Variants in ATG16L2 observed in about 807,000 individuals in gnomAD.
The protein encoded by ATG16L2 is protein Atg16l2.
In ATG16L2, 77 loss-of-function variants were observed where a neutral mutation model predicts 84.7. The observed-to-expected ratio is 0.91, with a 90% confidence interval of 0.76 to 1.10. ATG16L2 has a LOEUF of 1.10. Ranked by LOEUF, ATG16L2 falls within the 50% of genes least tolerant of loss-of-function variation. The pLI, the probability that ATG16L2 is intolerant of heterozygous loss-of-function variation, is 0.00. For missense variants in ATG16L2, 782 were observed against 817.6 expected (o/e 0.96, Z 0.53); for synonymous variants, 361 against 342.8 (o/e 1.05, Z -0.59).
In ATG16L2 at chr11:72,827,213, C is replaced by A. The variant is rs776505320; in HGVS notation, c.1392C>A (p.Ser464=). The change falls in exon 14 of 18, where the codon TCC becomes TCA. Residue 464 remains serine (S), a synonymous_variant. Coordinates refer to ENST00000321297, the MANE Select transcript of ATG16L2 (RefSeq NM_033388.2). ...GCTCCAGGACCATCAATGTCCTTTC[C>A]TACTGTAATGACGTGGTGTGTGGGG... The part of the protein sequence containing the change: ...AYCSRTINVL[S]YCNDVVCGDH... 5 of 1,614,070 alleles carry A rather than the reference C, an allele frequency of 3.1e-6. No homozygotes were observed. The highest frequency in any genetic ancestry group is 4.2e-6 in the Non-Finnish European group (5 of 1,179,978).
At chr11:72,821,769 C>G in intron 4 of ATG16L2, 28 bp downstream of exon 4, 1 of 1,525,290 alleles carries the variant, frequency 6.6e-7, no homozygotes. Context: ...GCGGGAGGGA[C>G]CGCGCCCACC....
intron 3 of ATG16L2, chr11:72,821,308 C>T (rs940480569): frequency 3.8e-6 from 4 of 1,046,222 alleles, no homozygotes; most frequent in Non-Finnish European, 4.6e-6. Context: ...AGCCTCTGCG[C>T]GAGGAGTCCT....
chr11:72,833,152 A>G (rs970060940), downstream of ATG16L2, among the ~76,000 whole-genome samples: 1 of 152,196 alleles, frequency 6.6e-6, no homozygotes, highest in Admixed American at 6.5e-5. Flanking sequence ...CACCAGATGC[A>G]AGCCCCTCAG....
At chr11:72,842,310 C>T (rs1206404347) in intron 5 of ATG16L2, among the ~76,000 whole-genome samples, 1 of 152,182 alleles carries the variant, frequency 6.6e-6, no homozygotes, top group East Asian at 1.9e-4. Flanking sequence ...CAACGCCTTC[C>T]CTCTTCGGTT....
In ATG16L2 at chr11:72,822,243, C is replaced by G. The variant is rs1860043800; in HGVS notation, c.592C>G (p.Arg198Gly). The change falls in exon 5 of 18, where the codon CGC (arginine) becomes GGC (glycine). Residue 198 changes from arginine (R) to glycine (G), a missense_variant. By Grantham distance (125) the Arg-to-Gly change is moderately radical (BLOSUM62 -2). Coordinates refer to ENST00000321297, the MANE Select transcript of ATG16L2 (RefSeq NM_033388.2). This position sits in a 1 kb window ranked among gnomAD's most constrained non-coding sequence, Gnocchi z 4.2. ...ARDLLERLVQ[R>G]KARAAAERNL... ...CGACCTGCTGGAGAGGCTCGTGCAG[C>G]GCAAGGCGCGCGCCGCGGCCGAGCG... 1 of 1,496,960 alleles carries G rather than the reference C, an allele frequency of 6.7e-7. No homozygotes were observed. The highest frequency in any genetic ancestry group is 2.3e-5 in the Admixed American group (1 of 43,088). The allele number at this position is 1,496,960 out of a possible 1,614,324, so 92.7% of individuals were successfully genotyped here.
At chr11:72,817,688 T>A in intron 2 of ATG16L2, 68 bp from the exon 3 acceptor site, 1 of 1,487,210 alleles carries the variant, frequency 6.7e-7, no homozygotes, top group South Asian at 1.1e-5. Flanking sequence ...TCATGTAGCA[T>A]CACTTGGGTG....
intron 3 of ATG16L2, chr11:72,821,204 G>A: frequency 1.0e-6 from 1 of 988,074 alleles, no homozygotes; most frequent in Non-Finnish European, 1.2e-6. Flanking sequence ...TGAAGTGAGA[G>A]TGGCAGTACC....
intron 1 of ATG16L2, 125 bp from the exon 2 acceptor site, chr11:72,816,603 C>A: frequency 1.3e-6 from 1 of 746,546 alleles, no homozygotes; most frequent in East Asian, 2.6e-5. Flanking sequence ...GGCCAGCCTG[C>A]CAGAAGCTTC....
chr11:72,824,800 G>T lies in ATG16L2; in HGVS notation c.954G>T (p.Val318=). ...APEQRYQIIP[V]CVAARLPTRA... ...AGCAGCGATACCAGATCATCCCTGTGTGTGTGGCTGCCCGACTTCCTACCC... is the reference window on the plus strand; with the variant it reads ...AGCAGCGATACCAGATCATCCCTGTTTGTGTGGCTGCCCGACTTCCTACCC... The change falls in exon 9 of 18, where the codon GTG becomes GTT. Residue 318 remains valine (V), a synonymous_variant. Transcript: ENST00000321297. The T allele has an allele frequency of 6.2e-7, 1 of 1,607,728 alleles. No individual in the cohort carries two copies.
chr11:72,814,606 G>A, intron 1 of ATG16L2, 43 bp downstream of exon 1: 1 of 1,474,400 alleles, frequency 6.8e-7, no homozygotes, highest in Non-Finnish European at 9.2e-7. Context: ...CTGAGGGGAC[G>A]CGGCTACGGG....
At chr11:72,826,662 C>T (rs747239084) in intron 12 of ATG16L2, 41 bp from the exon 13 acceptor site, 2 of 1,614,102 alleles carry the variant, frequency 1.2e-6, no homozygotes, top group Non-Finnish European at 8.5e-7. Context: ...GTTATGGGGT[C>T]TTGGCCAAAC....
intron 13 of ATG16L2, 51 bp from the exon 14 acceptor site, chr11:72,827,137 G>A: frequency 7.1e-7 from 1 of 1,416,234 alleles, no homozygotes; most frequent in Non-Finnish European, 1.0e-6. Flanking sequence ...CTGTGGGGTG[G>A]CTCCCGACAA....
Position 72,829,288 on chromosome 11 carries a change from C to G in ATG16L2, c.1773-15C>G. The G allele has an allele frequency of 6.2e-7, 1 of 1,612,000 alleles. No homozygotes were observed. The highest frequency in any genetic ancestry group is 1.1e-5 in the South Asian group (1 of 90,992). Reference sequence around the variant, plus strand: ...TCCTGAAGCCCCCCTGAAGCCTGCCCCTCCCTTTCCCCAGCGCTGCCGTCA... The same window carrying G: ...TCCTGAAGCCCCCCTGAAGCCTGCCGCTCCCTTTCCCCAGCGCTGCCGTCA... On this transcript the variant is annotated splice_polypyrimidine_tract_variant and intron_variant, in intron 17 of 17. Coordinates refer to ENST00000321297, the MANE Select transcript of ATG16L2 (RefSeq NM_033388.2).
At chr11:72,840,591 C>T (rs1361483281) in intron 5 of ATG16L2, among the ~76,000 whole-genome samples, 3 of 152,198 alleles carry the variant, frequency 2.0e-5, no homozygotes, top group Non-Finnish European at 2.9e-5. Flanking sequence ...ACAATTAGCC[C>T]GCTTTAATGC....
Position 72,822,704 on chromosome 11 carries a change from G to A in ATG16L2, c.711-144G>A, listed in dbSNP as rs979603179. On this transcript the variant is annotated intron_variant, in intron 6 of 17. Coordinates refer to ENST00000321297, the MANE Select transcript of ATG16L2 (RefSeq NM_033388.2). The surrounding 1 kb of genome is among the most constrained non-coding windows in gnomAD (Gnocchi z 4.2). ...CCTGCAGAGGACCGTGTGGTCGTAG[G>A]AGCCTGCATGCGTGACCGCTGCACG... The A allele has an allele frequency of 1.2e-4, 129 of 1,081,400 alleles. No individual in the cohort carries two copies. The highest frequency in any genetic ancestry group is 1.5e-4 in the Non-Finnish European group (116 of 750,570). The allele number at this position is 1,081,400 out of a possible 1,614,324, so 67.0% of individuals were successfully genotyped here.
chr11:72,839,132 C>G (rs570898083), intron 5 of ATG16L2, among the ~76,000 whole-genome samples: 1 of 152,182 alleles, frequency 6.6e-6, no homozygotes, highest in Non-Finnish European at 1.5e-5. Context: ...TGACTAAGAT[C>G]CTAGCACATC....
At chr11:72,824,706 C>T (rs1275835254) in intron 8 of ATG16L2, 28 bp from the exon 9 acceptor site, 2 of 1,584,342 alleles carry the variant, frequency 1.3e-6, no homozygotes, top group Non-Finnish European at 1.7e-6. Context: ...GCTGAATGCC[C>T]TCCTGACCCC....
At chr11:72,819,150 TCCTTCCTG>T (rs915056938) in intron 3 of ATG16L2, 7 of 151,982 alleles carry the variant, frequency 4.6e-5, no homozygotes, top group African/African-American at 1.7e-4. Context: ...AGGTGGGCTG[TCCTTCCTG>T]TCTTCCTGTG....
chr11:72,824,878 G>A (rs1279670224), intron 9 of ATG16L2, 36 bp downstream of exon 9: 3 of 1,529,962 alleles, frequency 2.0e-6, no homozygotes, highest in Non-Finnish European at 2.6e-6. Flanking sequence ...GTGGGGCAGT[G>A]GTGAGAGAGT....
Sources: gnomAD v4.1 joint callset for allele counts (sites outside exome capture counted in the v4.1 genomes callset) on GRCh38, gnomAD v4.1.1 for gene constraint, Gnocchi (gnomAD v3.1) non-coding constraint, MANE v1.5 for transcripts, NCBI Gene and HGNC (gene_info 2026-07-23, HGNC 2026-07-21) for gene names.